Variants in DYNLT5 observed in about 807,000 individuals in gnomAD.
The protein encoded by DYNLT5 is dynein light chain Tctex-type 5.
DYNLT5 carries 25 observed loss-of-function variants against 19.3 expected under a neutral mutation model. The observed-to-expected ratio is 1.30, with a 90% CI of 0.95 to 1.81. DYNLT5 has a LOEUF of 1.81. Among genes scored for constraint, DYNLT5 ranks in the 40% most tolerant of loss-of-function variants. DYNLT5 has a pLI of 0.00. For synonymous variants in DYNLT5, 82 were observed against 68.9 expected, an observed-to-expected ratio of 1.19 and a Z score of -0.94; for missense variants, 232 against 217.9, an observed-to-expected ratio of 1.06 and a Z score of -0.41.
At chr1:66,754,910 T>C (rs2094633527) in intron 2 of DYNLT5, 133 bp downstream of exon 2, 2 of 820,676 alleles carry the variant, frequency 2.4e-6, no homozygotes, top group Non-Finnish European at 3.4e-6. Flanking sequence ...AGGTCATCTT[T>C]AGGGGCCATA....
At chr1:66,767,972 A>C (rs1458209793) in intron 2 of DYNLT5, among the ~76,000 whole-genome samples, 2 of 152,228 alleles carry the variant, frequency 1.3e-5, no homozygotes, top group African/African-American at 4.8e-5. Flanking sequence ...TTTAGTCTGC[A>C]CAGGAATATT....
At chr1:66,777,071 TGTTCTATCTCAAGGGGAC>T (rs1645240464) in intron 4 of DYNLT5, among the ~76,000 whole-genome samples, 162 bp from the exon 5 acceptor site, 1 of 152,224 alleles carries the variant, frequency 6.6e-6, no homozygotes, top group Admixed American at 6.5e-5. Context: ...TGTTCCTGAA[TGTTCTATCTCAAGGGGAC>T]CATGCTTGAA....
intron 2 of DYNLT5, among the ~76,000 whole-genome samples, chr1:66,760,806 C>T (rs2150861461): frequency 6.6e-6 from 1 of 152,324 alleles, no homozygotes; most frequent in African/African-American, 2.4e-5. Flanking sequence ...ATCAGCTGTG[C>T]TTAACTATCA....
At chr1:66,757,515 G>A (rs556136390) in intron 2 of DYNLT5, among the ~76,000 whole-genome samples, 1 of 152,026 alleles carries the variant, frequency 6.6e-6, no homozygotes, top group African/African-American at 2.4e-5. Flanking sequence ...ATTTCTGTTA[G>A]ACCTGGACAT....
chr1:66,757,664 C>G (rs1470120618), intron 2 of DYNLT5, among the ~76,000 whole-genome samples: 4 of 151,908 alleles, frequency 2.6e-5, no homozygotes, highest in Admixed American at 1.3e-4. Context: ...TTTATAGGGC[C>G]CTTGCGATGA....
chr1:66,752,566 C>A lies in DYNLT5; in HGVS notation c.-22C>A, dbSNP rs1016755801. Reference sequence around the variant, plus strand: ...TGCCGGAGGTCTGGGAGGCTCCGGGCGAAGCCTCCCTGCTGCAGGTAGGGT... The same window carrying A: ...TGCCGGAGGTCTGGGAGGCTCCGGGAGAAGCCTCCCTGCTGCAGGTAGGGT... On this transcript the variant is annotated 5_prime_UTR_variant, in exon 1 of 5. Coordinates refer to ENST00000282670, the MANE Select transcript of DYNLT5 (RefSeq NM_152665.3). The A allele has an allele frequency of 4.1e-6, 4 of 985,386 alleles. No homozygotes were observed. The African/African-American group carries it at 7.0e-5, about 17-fold the overall frequency. The allele number at this position is 985,386 out of a possible 1,614,324, so 61.0% of individuals were successfully genotyped here. A position where few individuals can be genotyped will look rare whatever the true frequency, so the allele number is the denominator to read the frequency against.
intron 2 of DYNLT5, 129 bp downstream of exon 2, chr1:66,754,906 T>G: frequency 1.2e-6 from 1 of 855,218 alleles, no homozygotes. Flanking sequence ...GTGCAGGTCA[T>G]CTTTAGGGGC....
At chr1:66,763,442 C>A (rs1247679596) in intron 2 of DYNLT5, among the ~76,000 whole-genome samples, 1 of 152,202 alleles carries the variant, frequency 6.6e-6, no homozygotes, top group Non-Finnish European at 1.5e-5. Context: ...AGGCATTGAC[C>A]TCTCTCTAGC....
intron 2 of DYNLT5, among the ~76,000 whole-genome samples, chr1:66,759,253 A>G (rs1169402585): frequency 6.6e-6 from 1 of 152,192 alleles, no homozygotes; most frequent in Non-Finnish European, 1.5e-5. Context: ...CTCCTACCTT[A>G]TATGCTTTGC....
rs1398157421 is a variant in DYNLT5, at chr1:66,777,746, T to G, written c.*292T>G. 2 of 224,668 alleles carry G rather than the reference T, an allele frequency of 8.9e-6. No homozygotes were observed. Among genetic ancestry groups the G allele is most frequent in the African/African-American group, 2.3e-5 (1 of 43,784 alleles). The allele number at this position is 224,668 out of a possible 1,614,324, so 13.9% of individuals were successfully genotyped here. On this transcript the variant is annotated 3_prime_UTR_variant, in exon 5 of 5. Coordinates refer to ENST00000282670, the MANE Select transcript of DYNLT5 (RefSeq NM_152665.3). The stretch of plus-strand genomic sequence containing the variant: ...TTTTGGTACTAATTATTTTAATTAT[T>G]CTTTAATTAGAGTGTTACAATTTCC...
chr1:66,767,126 C>T (rs1300027165), intron 2 of DYNLT5, among the ~76,000 whole-genome samples: 1 of 150,588 alleles, frequency 6.6e-6, no homozygotes, highest in Non-Finnish European at 1.5e-5. Context: ...ACATGTACCC[C>T]CTAACTTAAA....
intron 3 of DYNLT5, 69 bp downstream of exon 3, chr1:66,770,547 A>G: frequency 8.5e-7 from 1 of 1,175,182 alleles, no homozygotes; most frequent in Middle Eastern, 1.9e-4. Flanking sequence ...TAAAAATGAT[A>G]TTTGATAACC....
intron 2 of DYNLT5, among the ~76,000 whole-genome samples, chr1:66,765,289 C>T (rs1392913065): frequency 2.6e-5 from 4 of 152,012 alleles, no homozygotes; most frequent in African/African-American, 7.3e-5. Flanking sequence ...TTCATAGTTA[C>T]AAATAGAAGG....
intron 2 of DYNLT5, among the ~76,000 whole-genome samples, chr1:66,756,200 A>G (rs2094635734): frequency 6.6e-6 from 1 of 152,238 alleles, no homozygotes; most frequent in Non-Finnish European, 1.5e-5. Context: ...TTTAAATGAT[A>G]ACTATTTTGG....
Position 66,777,310 on chromosome 1 carries a change from T to C in DYNLT5, c.396T>C (p.Val132=). 6.2e-7 allele frequency: 1 copy of C among 1,613,956 alleles called. No individual in the cohort carries two copies. Among genetic ancestry groups the C allele is most frequent in the Non-Finnish European group, 8.5e-7 (1 of 1,179,900 alleles). ...MIPRYKLIVI[V]HIGQLNRQSI... ...CACGGTATAAACTAATTGTGATTGTTCACATTGGACAACTGAACAGGCAGA... is the reference window on the plus strand; with the variant it reads ...CACGGTATAAACTAATTGTGATTGTCCACATTGGACAACTGAACAGGCAGA... The change falls in exon 5 of 5, where the codon GTT becomes GTC. Residue 132 remains valine (V), a synonymous_variant. Coordinates refer to ENST00000282670, the MANE Select transcript of DYNLT5 (RefSeq NM_152665.3).
At chr1:66,776,564 T>TG (rs1557875507) in intron 4 of DYNLT5, among the ~76,000 whole-genome samples, 161 bp downstream of exon 4, 1 of 151,198 alleles carries the variant, frequency 6.6e-6, no homozygotes, top group African/African-American at 2.5e-5. Flanking sequence ...TGTGTGGGTG[T>TG]GTGTGTGTGT....
In DYNLT5 at chr1:66,776,277, A is replaced by T; in HGVS notation, c.212-2A>T. On this transcript the variant is annotated splice_acceptor_variant, in intron 3 of 4. Coordinates refer to ENST00000282670, the MANE Select transcript of DYNLT5 (RefSeq NM_152665.3). LOFTEE classifies it high-confidence loss of function. ...AGAAATAAATTTTATGTGTATTTTCAGGTCCTCCCAAACATTTTCCTGTGG... is the reference window on the plus strand; with the variant it reads ...AGAAATAAATTTTATGTGTATTTTCTGGTCCTCCCAAACATTTTCCTGTGG... 6.2e-7 allele frequency: 1 copy of T among 1,611,552 alleles called. No homozygotes were observed. Among genetic ancestry groups the T allele is most frequent in the Non-Finnish European group, 8.5e-7 (1 of 1,178,718 alleles).
chr1:66,770,735 A>AC, intron 3 of DYNLT5: 1 of 525,756 alleles, frequency 1.9e-6, no homozygotes, highest in Admixed American at 2.9e-5. Flanking sequence ...ACAGTATACT[A>AC]CTGACTTAAC....
chr1:66,766,946 G>A (rs68063507), intron 2 of DYNLT5, among the ~76,000 whole-genome samples: 1 of 152,008 alleles, frequency 6.6e-6, no homozygotes, highest in Non-Finnish European at 1.5e-5. Context: ...GAGAATTCAT[G>A]AACACAAAGA....
Sources: allele counts gnomAD v4.1 joint callset (sites outside exome capture counted in the v4.1 genomes callset), GRCh38; gene constraint gnomAD v4.1.1; transcripts MANE v1.5; gene names NCBI Gene and HGNC (gene_info 2026-07-23, HGNC 2026-07-21).